The following COL8A2 variants were observed in gnomAD, a reference collection of about 807,000 sequenced individuals.
The protein encoded by COL8A2 is collagen alpha-2(VIII) chain.
Under a neutral mutation model 24.0 loss-of-function variants are expected in COL8A2, and 16 were observed. The observed-to-expected ratio is 0.67, with a 90% CI of 0.45 to 1.01. The LOEUF is 1.01. Ranked by LOEUF, COL8A2 falls within the 50% of genes least tolerant of loss-of-function variation. The pLI, the probability that COL8A2 is intolerant of heterozygous loss-of-function variation, is 0.00. For synonymous variants in COL8A2, 466 were observed against 424.5 expected, an observed-to-expected ratio of 1.10 and a Z score of -1.20; for missense variants, 818 against 942.4, an observed-to-expected ratio of 0.87 and a Z score of 1.73.
chr1:36,098,561 G>A lies in COL8A2; in HGVS notation c.1120C>T (p.Pro374Ser). ...GSAGLPGRRG[P>S]PGPKGEAGPG... ...CCTGCCTCACCCTTAGGCCCAGGGG[G>A]CCCACGTCTGCCAGGAAGCCCTGCA... is the stretch of plus-strand genomic sequence containing the variant. The change falls in exon 4 of 4, where the codon CCC (proline) becomes TCC (serine). Residue 374 changes from proline to serine, a missense_variant. Coordinates refer to ENST00000397799, the MANE Select transcript of COL8A2 (RefSeq NM_005202.4). 1 of 1,604,840 alleles carries A rather than the reference G, an allele frequency of 6.2e-7. No homozygotes were observed. Among genetic ancestry groups the A allele is most frequent in the Non-Finnish European group, 8.5e-7 (1 of 1,176,578 alleles).
At chr1:36,112,431 C>T (rs1643856151) in intron 2 of COL8A2, among the ~76,000 whole-genome samples, 1 of 152,164 alleles carries the variant, frequency 6.6e-6, no homozygotes, top group Non-Finnish European at 1.5e-5. Flanking sequence ...TGCCTTTGTA[C>T]AGTAGCCAAC....
intron 2 of COL8A2, among the ~76,000 whole-genome samples, chr1:36,106,592 T>C (rs1310479327): frequency 6.6e-6 from 1 of 152,078 alleles, no homozygotes; most frequent in African/African-American, 2.4e-5. Context: ...ATGGTCAAAG[T>C]CCTGACACCA....
chr1:36,101,987 T>C (rs2124080120), intron 2 of COL8A2, among the ~76,000 whole-genome samples: 1 of 152,204 alleles, frequency 6.6e-6, no homozygotes, highest in South Asian at 2.1e-4. Context: ...GAGACCAGCC[T>C]GGGCAACCTG....
At chr1:36,099,976 G>T in intron 3 of COL8A2, 74 bp downstream of exon 3, 1 of 1,432,332 alleles carries the variant, frequency 7.0e-7, no homozygotes, top group Non-Finnish European at 9.8e-7. Context: ...CTGAGGATCT[G>T]ATGGCTCTCA....
chr1:36,120,479 A>G (rs1163406760), intron 1 of COL8A2, among the ~76,000 whole-genome samples: 6 of 150,684 alleles, frequency 4.0e-5, no homozygotes, highest in African/African-American at 7.4e-5. Context: ...GACGGGCACA[A>G]TGGCTCACGC....
Position 36,097,494 on chromosome 1 carries a change from A to G in COL8A2, c.*75T>C. 1.6e-6 allele frequency: 2 copies of G among 1,221,082 alleles called. No homozygotes were observed. Among genetic ancestry groups the G allele is most frequent in the Non-Finnish European group, 2.3e-6 (2 of 864,458 alleles). 75.6% of individuals were successfully genotyped at this position (1,221,082 alleles called of 1,614,324 possible). On this transcript the variant is annotated 3_prime_UTR_variant, in exon 4 of 4. Transcript: ENST00000397799. ...TTCAGCTTTTGTTTTTTTTTCCAGG[A>G]GGTTCTTTGTAATTGAAAAGGTCGC...
chr1:36,107,492 C>T (rs186871037), intron 2 of COL8A2, among the ~76,000 whole-genome samples: 16 of 152,128 alleles, frequency 1.1e-4, no homozygotes, highest in East Asian at 3.9e-4. Context: ...CAGAGACAGA[C>T]GCAAACAGAG....
chr1:36,121,916 A>T (rs1328997731), intron 1 of COL8A2, among the ~76,000 whole-genome samples: 2 of 152,010 alleles, frequency 1.3e-5, no homozygotes, highest in Non-Finnish European at 2.9e-5. Context: ...GAGCTGGGCC[A>T]GCAGTGCCAC....
chr1:36,119,760 G>A (rs555238337), intron 1 of COL8A2, among the ~76,000 whole-genome samples: 8 of 152,334 alleles, frequency 5.3e-5, no homozygotes, highest in South Asian at 4.1e-4. Flanking sequence ...GACACTGGAC[G>A]GGTGTGGAGA....
intron 1 of COL8A2, among the ~76,000 whole-genome samples, chr1:36,122,543 C>T (rs1643921918): frequency 6.6e-6 from 1 of 152,190 alleles, no homozygotes; most frequent in African/African-American, 2.4e-5. Context: ...AGCGCCAAAC[C>T]CACATCTCCC....
chr1:36,124,059 C>T (rs908241719), intron 1 of COL8A2, among the ~76,000 whole-genome samples: 1 of 152,192 alleles, frequency 6.6e-6, no homozygotes, highest in Non-Finnish European at 1.5e-5. Context: ...ATGCCCAGTA[C>T]AGCTGCTGGG....
intron 2 of COL8A2, among the ~76,000 whole-genome samples, chr1:36,100,887 CTTTTTTT>C (rs139330748): frequency 2.0e-4 from 10 of 50,130 alleles, no homozygotes; most frequent in East Asian, 1.4e-3. Context: ...GCATTCAAGG[CTTTTTTT>C]TTTTTTTTTT....
At position 36,106,750 on chromosome 1, in the gene COL8A2, G is replaced by A. The variant is rs1290509459; in HGVS notation, c.-16-6492C>T. 2.0e-5 allele frequency among the ~76,000 whole-genome samples: 3 copies of A among 152,196 alleles called. No homozygotes were observed. The East Asian group carries it at 5.8e-4, about 29-fold the overall frequency. ...GCCCCAAGTGCAGCCAGGAGCCCAG[G>A]CGGCACCCCCGCAAGCTGCCCACCT... On this transcript the variant is annotated intron_variant, in intron 2 of 3. Coordinates refer to ENST00000397799, the MANE Select transcript of COL8A2 (RefSeq NM_005202.4).
rs367840362 is a variant in COL8A2, at chr1:36,100,136, G to A, written c.107C>T (p.Ala36Val). 99 of 1,612,358 alleles carry A rather than the reference G, an allele frequency of 6.1e-5. No homozygotes were observed. In the East Asian group the frequency reaches 1.5e-3, roughly 24 times the overall value. Residue 36 changes from alanine (A) to valine (V), a missense_variant, in exon 3 of 4, where the codon GCG (alanine) becomes GTG (valine). By Grantham distance (64) the Ala-to-Val change is moderately conservative. Coordinates refer to ENST00000397799, the MANE Select transcript of COL8A2 (RefSeq NM_005202.4). ...ASSGGGAGGA[A>V]GYAPVKYIQP... ...GATGTACTTCACTGGGGCATAGCCC[G>A]CCGCCCCACCGGCCCCGCCACCAGA...
At chr1:36,113,543 C>CG (rs1455247830) in intron 2 of COL8A2, among the ~76,000 whole-genome samples, 1 of 152,202 alleles carries the variant, frequency 6.6e-6, no homozygotes, top group Admixed American at 6.5e-5. Flanking sequence ...AGGGACTTGG[C>CG]GGGGGGTCCA....
chr1:36,096,769 C>G lies in COL8A2; in HGVS notation c.*800G>C. The stretch of plus-strand genomic sequence containing the variant: ...TTCTAGACACTTCACAGAGGTTGAT[C>G]TTTCTGGCCTGTAGGTGTCCCAGGG... On this transcript the variant is annotated 3_prime_UTR_variant, in exon 4 of 4. Coordinates refer to ENST00000397799, the MANE Select transcript of COL8A2 (RefSeq NM_005202.4). 1 of 152,348 alleles carries G rather than the reference C, an allele frequency of 6.6e-6. No homozygotes were observed. The allele number at this position is 152,348 out of a possible 1,614,324, so 9.4% of individuals were successfully genotyped here. A position where few individuals can be genotyped will look rare whatever the true frequency, so the allele number is the denominator to read the frequency against.
At position 36,100,091 on chromosome 1, in the gene COL8A2, G is replaced by T; in HGVS notation, c.152C>A (p.Pro51His). 6.2e-7 allele frequency: 1 copy of T among 1,612,718 alleles called. No homozygotes were observed. The highest frequency in any genetic ancestry group is 8.5e-7 in the Non-Finnish European group (1 of 1,179,018). ...GCCCTCACGGAAGGGCGGTCCCACA[G>T]GTCCTTTCTGCATGGGCTGGATGTA... ...VKYIQPMQKG[P>H]VGPPFREGKG... Residue 51 changes from proline to histidine, a missense_variant, in exon 3 of 4, where the codon CCT (proline) becomes CAT (histidine). Coordinates refer to ENST00000397799, the MANE Select transcript of COL8A2 (RefSeq NM_005202.4).
intron 2 of COL8A2, among the ~76,000 whole-genome samples, chr1:36,105,209 T>C (rs140513849): frequency 2.0e-5 from 3 of 152,270 alleles, no homozygotes; most frequent in East Asian, 1.9e-4. Context: ...TCAGCTCTCA[T>C]GTTCGAATCC....
chr1:36,102,663 GGTTTTTT>G, intron 2 of COL8A2, among the ~76,000 whole-genome samples: 1 of 69,156 alleles, frequency 1.4e-5, no homozygotes, highest in South Asian at 5.2e-4. Context: ...CTATAAAGCT[GGTTTTTT>G]GTTTTTTTTT....
Sources: allele counts gnomAD v4.1 joint callset (sites outside exome capture counted in the v4.1 genomes callset), GRCh38; gene constraint gnomAD v4.1.1; transcripts MANE v1.5; gene names NCBI Gene and HGNC (gene_info 2026-07-23, HGNC 2026-07-21).